CDK17: variants seen among roughly 807,000 people sequenced by gnomAD.
CDK17 encodes cyclin-dependent kinase 17.
A neutral mutation model predicts 77.6 loss-of-function variants in CDK17; 24 were observed. The ratio of observed to expected loss-of-function variants is 0.31; its 90% CI spans 0.22 to 0.44. The LOEUF (loss-of-function observed/expected upper bound fraction) is 0.44, where lower values mean the gene tolerates loss of function less well. Ranked by LOEUF, CDK17 falls within the 20% of genes least tolerant of loss-of-function variation. The pLI, the probability that CDK17 is intolerant of heterozygous loss-of-function variation, is 1.00. For missense variants in CDK17, 429 were observed against 622.5 expected (o/e 0.69, Z 3.31); for synonymous variants, 203 against 210.4 (o/e 0.96, Z 0.30).
chr12:96,295,802 AAGT>A (rs1952397337), intron 9 of CDK17, among the ~76,000 whole-genome samples: 1 of 152,228 alleles, frequency 6.6e-6, no homozygotes, highest in South Asian at 2.1e-4. Flanking sequence ...ACTCTGAAAA[AAGT>A]AATTCCTATA....
intron 1 of CDK17, among the ~76,000 whole-genome samples, chr12:96,383,706 A>G (rs879752703): frequency 1.3e-5 from 2 of 152,204 alleles, no homozygotes; most frequent in Non-Finnish European, 2.9e-5. Context: ...TCATGTTGGG[A>G]TAACTGGATA....
chr12:96,292,528 C>G (rs1952339296), intron 10 of CDK17, among the ~76,000 whole-genome samples: 1 of 152,050 alleles, frequency 6.6e-6, no homozygotes, highest in Non-Finnish European at 1.5e-5. Flanking sequence ...TCGCTTGAAC[C>G]CAGAAGGCGA....
intron 11 of CDK17, among the ~76,000 whole-genome samples, 187 bp from the exon 12 acceptor site, chr12:96,286,948 A>T (rs1454653672): frequency 1.3e-5 from 2 of 152,152 alleles, no homozygotes; most frequent in Non-Finnish European, 2.9e-5. Flanking sequence ...CTATATTGCT[A>T]TATCCATTTT....
At chr12:96,319,198 G>A (rs1412483246) in intron 3 of CDK17, among the ~76,000 whole-genome samples, 2 of 151,816 alleles carry the variant, frequency 1.3e-5, no homozygotes, top group Non-Finnish European at 2.9e-5. Context: ...AGAAAATCTA[G>A]AAGAAATGGA....
At chr12:96,344,088 T>C (rs150619802) in intron 1 of CDK17, among the ~76,000 whole-genome samples, 104 of 152,196 alleles carry the variant, frequency 6.8e-4, no homozygotes, top group African/African-American at 2.2e-3. Flanking sequence ...TCAACAGATT[T>C]GAACAGGCAG....
At position 96,324,354 on chromosome 12, in the gene CDK17, C is replaced by T. The variant is rs1592729295; in HGVS notation, c.119-242G>A. On this transcript the variant is annotated intron_variant, in intron 2 of 16. Transcript: ENST00000261211. ...CTATTTCTTATATAATCAAAAGTGG[C>T]TAAGAACCACAAAACTACTAATATA... Among the ~76,000 whole-genome samples, 6 of 152,118 alleles carry T rather than the reference C, an allele frequency of 3.9e-5. No individual in the cohort carries two copies. In the South Asian group the frequency reaches 1.2e-3, roughly 32 times the overall value.
chr12:96,366,717 T>C (rs762662431), intron 1 of CDK17, among the ~76,000 whole-genome samples: 4 of 152,198 alleles, frequency 2.6e-5, no homozygotes, highest in Admixed American at 6.6e-5. Context: ...AATATTAATA[T>C]GTTATCAGTG....
intron 1 of CDK17, among the ~76,000 whole-genome samples, chr12:96,347,096 C>T (rs954933617): frequency 3.3e-5 from 5 of 151,842 alleles, no homozygotes; most frequent in Non-Finnish European, 7.4e-5. Context: ...ATAAGGGGTT[C>T]GATACATTAA....
In CDK17 at chr12:96,323,968, G is replaced by A; in HGVS notation, c.263C>T (p.Pro88Leu). The change falls in exon 3 of 17, where the codon CCC (proline) becomes CTC (leucine). Residue 88 changes from proline (P) to leucine (L), a missense_variant. By Grantham distance (98) the Pro-to-Leu change is moderately conservative. Transcript: ENST00000261211. ...GGSLGSFMAM[P>L]RNGSRLDIVH... is the part of the protein sequence containing the mutation. ...ATTACCTAATCTGCTTCCATTTCTG[G>A]GCATTGCCATGAAGGAGCCAAGGCT... 6.3e-7 allele frequency: 1 copy of A among 1,596,600 alleles called. No homozygotes were observed. Among genetic ancestry groups the A allele is most frequent in the African/African-American group, 1.3e-5 (1 of 74,470 alleles).
chr12:96,315,052 G>A (rs1050121116), intron 3 of CDK17, among the ~76,000 whole-genome samples: 23 of 152,156 alleles, frequency 1.5e-4, no homozygotes, highest in African/African-American at 5.1e-4. Flanking sequence ...GCACTCAGAA[G>A]GTGCTTAACA....
chr12:96,368,807 G>GA, intron 1 of CDK17, among the ~76,000 whole-genome samples: 1 of 6,044 alleles, frequency 1.7e-4, no homozygotes, highest in African/African-American at 7.0e-4. Context: ...ACTCTAAGAC[G>GA]GGGGGGGGGG....
intron 1 of CDK17, among the ~76,000 whole-genome samples, chr12:96,361,583 T>G (rs1953493356): frequency 6.6e-6 from 1 of 152,212 alleles, no homozygotes; most frequent in South Asian, 2.1e-4. Flanking sequence ...CAAAATCTAG[T>G]TAAACTAGGC....
intron 5 of CDK17, among the ~76,000 whole-genome samples, chr12:96,301,253 A>AC (rs1952497965): frequency 6.7e-6 from 1 of 148,322 alleles, no homozygotes; most frequent in South Asian, 2.3e-4. Context: ...AAAAAAAAAA[A>AC]AAAAAACAAA....
intron 5 of CDK17, among the ~76,000 whole-genome samples, chr12:96,308,793 T>C (rs1952611552): frequency 7.0e-6 from 1 of 143,796 alleles, no homozygotes; most frequent in South Asian, 2.3e-4. Context: ...CAACAACTGC[T>C]AGCAATCCAA....
chr12:96,324,531 C>T (rs1251897377), intron 2 of CDK17, among the ~76,000 whole-genome samples: 1 of 152,066 alleles, frequency 6.6e-6, no homozygotes, highest in East Asian at 1.9e-4. Flanking sequence ...CTTTGGGAGG[C>T]CGAGGCAGGC....
intron 1 of CDK17, among the ~76,000 whole-genome samples, chr12:96,392,790 T>G (rs991321741): frequency 6.6e-6 from 1 of 152,134 alleles, no homozygotes; most frequent in Non-Finnish European, 1.5e-5. Flanking sequence ...TGGAGATTAT[T>G]GCATATGGGT....
chr12:96,342,747 C>T (rs1953140375), intron 1 of CDK17, among the ~76,000 whole-genome samples: 1 of 152,066 alleles, frequency 6.6e-6, no homozygotes, highest in African/African-American at 2.4e-5. Flanking sequence ...GGCGGATCAC[C>T]TGAGGTTGGG....
chr12:96,369,809 G>A (rs562148287), intron 1 of CDK17, among the ~76,000 whole-genome samples: 14 of 151,972 alleles, frequency 9.2e-5, no homozygotes, highest in Middle Eastern at 3.4e-3. Context: ...GGTCTGGCGC[G>A]GTGGCTCACG....
intron 9 of CDK17, among the ~76,000 whole-genome samples, chr12:96,296,161 C>G (rs1053109361): frequency 6.6e-6 from 1 of 152,140 alleles, no homozygotes; most frequent in African/African-American, 2.4e-5. Context: ...CGCTTTCCAA[C>G]TTAAGCTAAT....
Sources: allele counts gnomAD v4.1 joint callset (sites outside exome capture counted in the v4.1 genomes callset), GRCh38; gene constraint gnomAD v4.1.1; transcripts MANE v1.5; gene names NCBI Gene and HGNC (gene_info 2026-07-23, HGNC 2026-07-21).